The following CAMK1D variants were observed in gnomAD, a reference collection of about 807,000 sequenced individuals.
CAMK1D encodes the protein calcium/calmodulin-dependent protein kinase type 1D.
Under a neutral mutation model 47.7 loss-of-function variants are expected in CAMK1D, and 9 were observed. The ratio of observed to expected loss-of-function variants is 0.19; its 90% confidence interval spans 0.11 to 0.33. The LOEUF (loss-of-function observed/expected upper bound fraction) is 0.33. Ranked by LOEUF, CAMK1D falls within the 10% of genes least tolerant of loss-of-function variation. The pLI is 1.00. For synonymous variants in CAMK1D, 184 were observed against 184.9 expected (o/e 0.99, Z 0.04); for missense variants, 291 against 488.7 (o/e 0.60, Z 3.81).
At chr10:12,726,221 C>T (rs1488468030) in intron 3 of CAMK1D, among the ~76,000 whole-genome samples, 1 of 151,820 alleles carries the variant, frequency 6.6e-6, no homozygotes, top group Non-Finnish European at 1.5e-5. Flanking sequence ...GTCAGGAGAT[C>T]AAGACTGTCT....
chr10:12,703,193 G>T (rs1833590387), intron 3 of CAMK1D, among the ~76,000 whole-genome samples: 1 of 152,192 alleles, frequency 6.6e-6, no homozygotes, highest in African/African-American at 2.4e-5. Flanking sequence ...TGTGTCATTT[G>T]TCACATATTT....
At chr10:12,374,065 G>A (rs1838093753) in intron 1 of CAMK1D, among the ~76,000 whole-genome samples, 1 of 150,604 alleles carries the variant, frequency 6.6e-6, no homozygotes, top group African/African-American at 2.4e-5. Flanking sequence ...TGCAGGACCA[G>A]CCTGACCAAC....
intron 1 of CAMK1D, among the ~76,000 whole-genome samples, chr10:12,408,345 T>A (rs1839524494): frequency 1.3e-5 from 2 of 151,562 alleles, no homozygotes; most frequent in South Asian, 4.2e-4. Context: ...TGGATTTTTT[T>A]AGTAGAGATG....
intron 3 of CAMK1D, among the ~76,000 whole-genome samples, chr10:12,669,048 A>G (rs1202231203): frequency 6.6e-6 from 1 of 152,172 alleles, no homozygotes; most frequent in African/African-American, 2.4e-5. Flanking sequence ...CCTGGCCAAC[A>G]TGGTGAAACC....
At chr10:12,726,352 A>T (rs190536252) in intron 3 of CAMK1D, among the ~76,000 whole-genome samples, 67 of 152,192 alleles carry the variant, frequency 4.4e-4, no homozygotes, top group African/African-American at 1.5e-3. Flanking sequence ...TGAACCTGGG[A>T]GGCAGAGGTT....
intron 2 of CAMK1D, among the ~76,000 whole-genome samples, chr10:12,626,861 TA>T (rs1839233100): frequency 6.6e-6 from 1 of 152,210 alleles, no homozygotes; most frequent in Non-Finnish European, 1.5e-5. Context: ...TTGTACTAAC[TA>T]GAGGATTTAG....
intron 2 of CAMK1D, among the ~76,000 whole-genome samples, chr10:12,610,769 C>T (rs1838595073): frequency 1.3e-5 from 2 of 152,194 alleles, no homozygotes; most frequent in South Asian, 4.1e-4. Context: ...AAGTAGACTT[C>T]CCTTACTTGA....
At position 12,555,012 on chromosome 10, in the gene CAMK1D, T is replaced by C. The variant is rs2296755; in HGVS notation, c.224+1656T>C. On this transcript the variant is annotated intron_variant, in intron 2 of 10. Coordinates refer to ENST00000619168, the MANE Select transcript of CAMK1D (RefSeq NM_153498.4). ...CCTGATTTTGCATGTTTGGAGTGTG[T>C]CTGAGCAGTGTGCTATGGAAATTTT... Among the ~76,000 whole-genome samples, 1,280 of 152,344 alleles carry C rather than the reference T, an allele frequency of 8.4e-3. 43 individuals are homozygous for C. In the East Asian group the frequency reaches 0.098, roughly 12 times the overall value.
intron 1 of CAMK1D, among the ~76,000 whole-genome samples, chr10:12,385,528 A>G (rs142890750): frequency 9.2e-5 from 14 of 152,338 alleles, no homozygotes; most frequent in African/African-American, 3.4e-4. Context: ...GATTCCATTT[A>G]TATAAAATAT....
chr10:12,401,005 C>T (rs1005660458), intron 1 of CAMK1D, among the ~76,000 whole-genome samples: 1 of 128,756 alleles, frequency 7.8e-6, no homozygotes, highest in Non-Finnish European at 1.6e-5. Context: ...CTTTACCTTT[C>T]TCCTTTATAG....
chr10:12,821,541 G>T (rs994277928), intron 8 of CAMK1D, among the ~76,000 whole-genome samples: 1 of 152,194 alleles, frequency 6.6e-6, no homozygotes, highest in Non-Finnish European at 1.5e-5. Context: ...AGCCAGGAAG[G>T]TAGAAGAGAC....
chr10:12,823,591 C>A (rs963509636), intron 8 of CAMK1D, among the ~76,000 whole-genome samples: 1 of 151,878 alleles, frequency 6.6e-6, no homozygotes, highest in Non-Finnish European at 1.5e-5. Context: ...AAGAAAGAGA[C>A]AGCAGAGGGA....
intron 1 of CAMK1D, among the ~76,000 whole-genome samples, chr10:12,542,286 G>T (rs998629999): frequency 6.6e-6 from 1 of 152,152 alleles, no homozygotes; most frequent in Non-Finnish European, 1.5e-5. Context: ...AGGCTGGGGG[G>T]TAACGTCTGC....
chr10:12,654,294 A>G (rs2132519704), intron 2 of CAMK1D, among the ~76,000 whole-genome samples: 1 of 152,310 alleles, frequency 6.6e-6, no homozygotes, highest in African/African-American at 2.4e-5. Flanking sequence ...GCTTTCTGAG[A>G]TTTCCCTTTC....
intron 1 of CAMK1D, among the ~76,000 whole-genome samples, chr10:12,369,298 AAAC>A (rs1308901309): frequency 6.6e-6 from 1 of 152,212 alleles, no homozygotes; most frequent in Non-Finnish European, 1.5e-5. Context: ...TTGAACTTTA[AAAC>A]AACAACAACA....
intron 3 of CAMK1D, among the ~76,000 whole-genome samples, chr10:12,688,837 C>T (rs2130652082): frequency 6.6e-6 from 1 of 152,306 alleles, no homozygotes; most frequent in African/African-American, 2.4e-5. Flanking sequence ...GTGCCCTCCA[C>T]CATGCCCGAC....
At chr10:12,637,530 GGCAGGTT>G (rs1446734165) in intron 2 of CAMK1D, among the ~76,000 whole-genome samples, 2 of 151,620 alleles carry the variant, frequency 1.3e-5, no homozygotes, top group Non-Finnish European at 2.9e-5. Context: ...GGTGTATAGA[GGCAGGTT>G]GCAGAAATGC....
chr10:12,422,328 A>C (rs1310683146), intron 1 of CAMK1D, among the ~76,000 whole-genome samples: 1 of 152,204 alleles, frequency 6.6e-6, no homozygotes, highest in Non-Finnish European at 1.5e-5. Flanking sequence ...GGAACAAAGA[A>C]GGGAGTCTTG....
chr10:12,500,487 G>A (rs1371551597), intron 1 of CAMK1D, among the ~76,000 whole-genome samples: 1 of 152,124 alleles, frequency 6.6e-6, no homozygotes, highest in East Asian at 1.9e-4. Flanking sequence ...CTTTCCCTGC[G>A]GGCATGGAGG....
Sources: allele counts gnomAD v4.1 joint callset (sites outside exome capture counted in the v4.1 genomes callset), GRCh38; gene constraint gnomAD v4.1.1; transcripts MANE v1.5; gene names NCBI Gene and HGNC (gene_info 2026-07-23, HGNC 2026-07-21).